The following GLIS3 variants were observed in gnomAD, a reference collection of about 807,000 sequenced individuals.
The protein encoded by GLIS3 is GLIS family zinc finger 3, also known as zinc finger protein GLIS3.
In GLIS3, 53 loss-of-function variants were observed where a neutral mutation model predicts 78.6. That is an observed-to-expected ratio of 0.67 (90% CI 0.54 to 0.85). The LOEUF (loss-of-function observed/expected upper bound fraction) is 0.85. Among genes scored for constraint, GLIS3 ranks in the 40% least tolerant of loss-of-function variants. GLIS3 has a pLI of 0.00. For missense variants in GLIS3, 1,703 were observed against 1,231.1 expected (o/e 1.38, Z -5.74); for synonymous variants, 684 against 509.9 (o/e 1.34, Z -4.60).
chr9:4,025,209 G>A (rs566541430), intron 4 of GLIS3, among the ~76,000 whole-genome samples: 4 of 151,866 alleles, frequency 2.6e-5, no homozygotes, highest in South Asian at 4.2e-4. Context: ...CCAAGATGGC[G>A]GCACTGCACT....
At chr9:4,298,990 CAA>C (rs1816869629) in intron 1 of GLIS3, among the ~76,000 whole-genome samples, 2 of 152,318 alleles carry the variant, frequency 1.3e-5, no homozygotes, top group Admixed American at 6.5e-5. Context: ...CCCACTTCGC[CAA>C]AGTTTCCCTT....
At chr9:4,023,909 A>G (rs1272910494) in intron 4 of GLIS3, among the ~76,000 whole-genome samples, 4 of 152,252 alleles carry the variant, frequency 2.6e-5, no homozygotes, top group Admixed American at 6.5e-5. Context: ...GGTGGCCTCA[A>G]TGCTCGTTAA....
intron 6 of GLIS3, among the ~76,000 whole-genome samples, chr9:3,925,492 TC>T (rs1484057767): frequency 1.3e-5 from 2 of 152,224 alleles, no homozygotes; most frequent in African/African-American, 2.4e-5. Context: ...TGAAGTGTTC[TC>T]CCCATGTCTG....
At chr9:4,017,201 G>A (rs557788718) in intron 4 of GLIS3, among the ~76,000 whole-genome samples, 8 of 152,210 alleles carry the variant, frequency 5.3e-5, no homozygotes, top group Admixed American at 2.6e-4. Flanking sequence ...GACTCTGTAC[G>A]TTGGCTAGGC....
chr9:4,180,784 C>G lies in GLIS3; in HGVS notation c.389-54843G>C, dbSNP rs534626421. Among the ~76,000 whole-genome samples the G allele has an allele frequency of 2.2e-4, 34 of 152,290 alleles. No individual in the cohort carries two copies. The East Asian group carries it at 6.4e-3, about 29-fold the overall frequency. ...ACTAGAGGTAAGTCCACCACCATCC[C>G]AAACTGAGGAGCGGCGGTGTAGCAG... On this transcript the variant is annotated intron_variant, in intron 2 of 10. Transcript: ENST00000381971.
At chr9:4,463,860 G>A in the GLIS3 span, among the ~76,000 whole-genome samples, 1 of 152,186 alleles carries the variant, frequency 6.6e-6, no homozygotes, top group African/African-American at 2.4e-5. Context: ...GGCAGTCATT[G>A]ATAGAAAGCA....
At chr9:4,355,880 G>C in the GLIS3 span, among the ~76,000 whole-genome samples, 2 of 152,152 alleles carry the variant, frequency 1.3e-5, no homozygotes, top group African/African-American at 2.4e-5. Context: ...ATGTGGGAAA[G>C]TCCTGGGGGC....
chr9:3,882,414 TC>T (rs1380890812), intron 7 of GLIS3, among the ~76,000 whole-genome samples: 1 of 152,172 alleles, frequency 6.6e-6, no homozygotes, highest in African/African-American at 2.4e-5. Flanking sequence ...CAGAGAAGCC[TC>T]AGGGAAGAAA....
In GLIS3 at chr9:4,346,967, A is replaced by T. The variant is rs1293333370; in HGVS notation, n.264+114T>A. 4.8e-3 allele frequency: 2 copies of T among 414 alleles called. 1 individual carries two copies. The highest frequency in any genetic ancestry group is 4.9e-3 in the African/African-American group (2 of 412). 0.0% of individuals were successfully genotyped at this position (414 alleles called of 1,614,324 possible). A position where few individuals can be genotyped will look rare whatever the true frequency, so the allele number is the denominator to read the frequency against. Reference sequence around the variant, plus strand: ...ACTCCGTCTCAAAAAAAAAAAAAAAAAAAATAATGGATGGAATTTCAGGCA... The same window carrying T: ...ACTCCGTCTCAAAAAAAAAAAAAAATAAAATAATGGATGGAATTTCAGGCA... On this transcript the variant is annotated intron_variant and non_coding_transcript_variant, in intron 2 of 4. Transcript: ENST00000471664.
intron 2 of GLIS3, among the ~76,000 whole-genome samples, chr9:4,133,874 A>C (rs568656): frequency 0.14 from 17,240 of 123,756 alleles, 1,366 homozygotes; most frequent in South Asian, 0.19. Context: ...ACACACACAC[A>C]CCGTACATCT....
chr9:4,247,551 T>C (rs1252247781), intron 2 of GLIS3, among the ~76,000 whole-genome samples: 1 of 152,204 alleles, frequency 6.6e-6, no homozygotes, highest in Non-Finnish European at 1.5e-5. Flanking sequence ...TCCCTAGGAA[T>C]GTTCATTCCT....
intron 7 of GLIS3, among the ~76,000 whole-genome samples, chr9:3,895,000 T>G (rs1249270917): frequency 1.3e-5 from 2 of 152,172 alleles, no homozygotes; most frequent in Non-Finnish European, 2.9e-5. Context: ...TAGTACAGCT[T>G]CGGTTTGAAA....
chr9:4,040,279 C>T (rs971471122), intron 4 of GLIS3, among the ~76,000 whole-genome samples: 2 of 146,488 alleles, frequency 1.4e-5, no homozygotes. Flanking sequence ...CATTTTACTT[C>T]ACAAGGTAAA....
chr9:3,856,444 A>G (rs1416901836), intron 8 of GLIS3, among the ~76,000 whole-genome samples: 1 of 152,248 alleles, frequency 6.6e-6, no homozygotes, highest in Non-Finnish European at 1.5e-5. Flanking sequence ...TGGGTTTCTC[A>G]AGATTTCTAA....
At chr9:4,458,755 A>G in the GLIS3 span, among the ~76,000 whole-genome samples, 1 of 152,136 alleles carries the variant, frequency 6.6e-6, no homozygotes, top group African/African-American at 2.4e-5. Flanking sequence ...ATGAGATCGC[A>G]CCACTGCACT....
intron 2 of GLIS3, among the ~76,000 whole-genome samples, chr9:4,132,645 C>T (rs1833064136): frequency 6.6e-6 from 1 of 152,108 alleles, no homozygotes; most frequent in East Asian, 1.9e-4. Context: ...ACCCAGTCCC[C>T]CATGGAGCCC....
intron 4 of GLIS3, among the ~76,000 whole-genome samples, chr9:4,062,554 C>G (rs79814771): frequency 0.015 from 2,218 of 152,308 alleles, 70 homozygotes; most frequent in African/African-American, 0.051. Context: ...TTCTCTGAGC[C>G]TCATTTTCAT....
chr9:4,251,515 G>C (rs1382775049), intron 2 of GLIS3, among the ~76,000 whole-genome samples: 4 of 151,038 alleles, frequency 2.6e-5, no homozygotes, highest in Non-Finnish European at 5.9e-5. Context: ...TTGCATGTGA[G>C]ATGAGTCTCC....
At chr9:4,380,716 A>G in the GLIS3 span, among the ~76,000 whole-genome samples, 1 of 152,344 alleles carries the variant, frequency 6.6e-6, no homozygotes, top group African/African-American at 2.4e-5. Flanking sequence ...TACCAATCAA[A>G]TATGAACATA....
Sources: gnomAD v4.1 joint callset for allele counts (sites outside exome capture counted in the v4.1 genomes callset) on GRCh38, gnomAD v4.1.1 for gene constraint, MANE v1.5 for transcripts, NCBI Gene and HGNC (gene_info 2026-07-23, HGNC 2026-07-21) for gene names.